ATP4B: variants seen among roughly 807,000 people sequenced by gnomAD.
The protein encoded by ATP4B is potassium-transporting ATPase subunit beta.
Under a neutral mutation model 35.3 loss-of-function variants are expected in ATP4B, and 27 were observed. The observed-to-expected ratio is 0.76, with a 90% CI of 0.56 to 1.05. The LOEUF is 1.05. ATP4B is among the 50% of genes least tolerant of loss of function. The pLI is 0.00. For synonymous variants in ATP4B, 162 were observed against 156.0 expected (o/e 1.04, Z -0.29); for missense variants, 375 against 384.8 (o/e 0.97, Z 0.21).
chr13:113,651,422 C>T (rs1160166104), intron 5 of ATP4B, among the ~76,000 whole-genome samples: 1 of 152,228 alleles, frequency 6.6e-6, no homozygotes, highest in Non-Finnish European at 1.5e-5. Context: ...TTGAAGCGTG[C>T]TGCTGACACG....
Position 113,650,909 on chromosome 13 carries a change from C to G in ATP4B, c.613-402G>C, listed in dbSNP as rs986321223. 1.3e-5 allele frequency among the ~76,000 whole-genome samples: 2 copies of G among 152,228 alleles called. No individual in the cohort carries two copies. The highest frequency in any genetic ancestry group is 4.1e-4 in the South Asian group (2 of 4,822). On this transcript the variant is annotated intron_variant, in intron 5 of 6. Coordinates refer to ENST00000335288, the MANE Select transcript of ATP4B (RefSeq NM_000705.4). The surrounding 1 kb of genome is among the most constrained non-coding windows in gnomAD (Gnocchi z 5.0). The stretch of plus-strand genomic sequence containing the variant: ...TGCGTTTTTGTGAGATTGGGGCCCT[C>G]TCGTTTCAGAAGCAGAGGCTTGCCC...
At position 113,649,649 on chromosome 13, in the gene ATP4B, TG is replaced by T. The variant is rs1253363350; in HGVS notation, c.715-115del. Reference sequence around the variant, plus strand: ...TTGGTGCAGAGAAGCAGCTCTTTTGTGTAAGACTGGCCCTGACCGAGTGCAT... The same window carrying T: ...TTGGTGCAGAGAAGCAGCTCTTTTGTTAAGACTGGCCCTGACCGAGTGCAT... On this transcript the variant is annotated intron_variant, in intron 6 of 6. Coordinates refer to ENST00000335288, the MANE Select transcript of ATP4B (RefSeq NM_000705.4). The surrounding 1 kb of genome is among the most constrained non-coding windows in gnomAD (Gnocchi z 4.7). 1 of 1,248,290 alleles carries T rather than the reference TG, an allele frequency of 8.0e-7. No individual in the cohort carries two copies. Among genetic ancestry groups the T allele is most frequent in the Non-Finnish European group, 1.1e-6 (1 of 932,858 alleles). 77.3% of individuals were successfully genotyped at this position (1,248,290 alleles called of 1,614,324 possible). A position where few individuals can be genotyped will look rare whatever the true frequency, so the allele number is the denominator to read the frequency against.
At position 113,650,200 on chromosome 13, in the gene ATP4B, T is replaced by C. The variant is rs941485091; in HGVS notation, c.714+206A>G. On this transcript the variant is annotated intron_variant, in intron 6 of 6. Transcript: ENST00000335288. The surrounding 1 kb of genome is among the most constrained non-coding windows in gnomAD (Gnocchi z 5.0). ...AAAAAAAAAAGTTGAAGAGTTAGAGTTGTATTTTCATGTTGCGTGAGAGGA... is the reference window on the plus strand; with the variant it reads ...AAAAAAAAAAGTTGAAGAGTTAGAGCTGTATTTTCATGTTGCGTGAGAGGA... Among the ~76,000 whole-genome samples, 30 of 149,310 alleles carry C rather than the reference T, an allele frequency of 2.0e-4. No homozygotes were observed. The highest frequency in any genetic ancestry group is 6.6e-4 in the African/African-American group (27 of 40,646).
rs781386308 is a variant in ATP4B at position 113,650,495 on chromosome 13, C to T, written c.625G>A (p.Glu209Lys). The T allele has an allele frequency of 4.1e-5, 66 of 1,612,526 alleles. No individual in the cohort carries two copies. The highest frequency in any genetic ancestry group is 1.2e-4 in the Admixed American group (7 of 59,920). The change falls in exon 6 of 7, where the codon GAG becomes AAG. Residue 209 changes from glutamate (E) to lysine (K), a missense_variant. Physicochemically the swap from Glu to Lys is moderately conservative, Grantham distance 56. Transcript: ENST00000335288. The surrounding 1 kb of genome is among the most constrained non-coding windows in gnomAD (Gnocchi z 5.0). Reference sequence around the variant, plus strand: ...TTGACCTGCAGCGGCTGGCCGAGCTCGCGGGGCTGGTCCTGGGGAGGAGAG... The same window carrying T: ...TTGACCTGCAGCGGCTGGCCGAGCTTGCGGGGCTGGTCCTGGGGAGGAGAG... ...VDCAFLDQPR[E>K]LGQPLQVKYY... is the part of the protein sequence containing the mutation.
Position 113,649,323 on chromosome 13 carries a change from G to C in ATP4B, c.*51C>G. 2 of 1,548,180 alleles carry C rather than the reference G, an allele frequency of 1.3e-6. No individual in the cohort carries two copies. The highest frequency in any genetic ancestry group is 1.7e-6 in the Non-Finnish European group (2 of 1,144,506). ...GGGCAAGGTAAGCCCAACCAGGAGG[G>C]TGTCCTTGAGCGACCCCGCAGGCGT... On this transcript the variant is annotated 3_prime_UTR_variant, in exon 7 of 7. Coordinates refer to ENST00000335288, the MANE Select transcript of ATP4B (RefSeq NM_000705.4). This position sits in a 1 kb window ranked among gnomAD's most constrained non-coding sequence, Gnocchi z 4.7.
chr13:113,654,971 C>T, intron 1 of ATP4B, 29 bp from the exon 2 acceptor site: 1 of 1,612,642 alleles, frequency 6.2e-7, no homozygotes, highest in Non-Finnish European at 8.5e-7. Context: ...ACAAAATTTA[C>T]CACGTCAGCC....
rs1430331358 is a variant in ATP4B, at chr13:113,650,417, T to G, written c.703A>C (p.Lys235Gln). The change falls in exon 6 of 7, where the codon AAG (lysine) becomes CAG (glutamine). Residue 235 changes from lysine (K) to glutamine (Q), a missense_variant. Lys to Gln is a moderately conservative substitution (Grantham distance 53). Transcript: ENST00000335288. This position sits in a 1 kb window ranked among gnomAD's most constrained non-coding sequence, Gnocchi z 5.0. ...FSLHYFPYYG[K>Q]KAQPHYSNPL... Reference sequence around the variant, plus strand: ...AGGAAGGAACCTACCTGGGCTTTCTTCCCGTAATAAGGGAAGTAGTGCAGA... The same window carrying G: ...AGGAAGGAACCTACCTGGGCTTTCTGCCCGTAATAAGGGAAGTAGTGCAGA... 2 of 1,613,986 alleles carry G rather than the reference T, an allele frequency of 1.2e-6. No homozygotes were observed. The highest frequency in any genetic ancestry group is 4.5e-5 in the East Asian group (2 of 44,850).
Position 113,651,724 on chromosome 13 carries a change from C to T in ATP4B, c.559G>A (p.Val187Ile), listed in dbSNP as rs1482637481. 6.8e-6 allele frequency: 11 copies of T among 1,613,686 alleles called. No homozygotes were observed. Among genetic ancestry groups the T allele is most frequent in the South Asian group, 6.6e-5 (6 of 91,020 alleles). Residue 187 changes from valine (V) to isoleucine (I), a missense_variant, in exon 5 of 7, where the codon GTC (valine) becomes ATC (isoleucine). Transcript: ENST00000335288. ...PCFIIKMNRI[V>I]KFLPSNGSAP... ...GAGCCGTTGCTGGGGAGGAACTTGA[C>T]GATCTAGAAGGGAAAAGCTTGAGCG...
At chr13:113,657,166 G>A (rs538142100) in intron 1 of ATP4B, among the ~76,000 whole-genome samples, 24 of 152,162 alleles carry the variant, frequency 1.6e-4, no homozygotes, top group Non-Finnish European at 3.2e-4. Context: ...ACACACAGGT[G>A]GGGCGGGCCT....
intron 4 of ATP4B, chr13:113,652,559 C>A (rs551058069): frequency 3.2e-5 from 14 of 435,774 alleles, no homozygotes; most frequent in African/African-American, 2.6e-4. Context: ...GAACTTGAGG[C>A]CCCTTTACCT....
In ATP4B at chr13:113,658,079, C is replaced by G; in HGVS notation, c.66G>C (p.Trp22Cys). 1 of 1,611,874 alleles carries G rather than the reference C, an allele frequency of 6.2e-7. No homozygotes were observed. ...CCAGCATCTGCCCCGTGTCCGGGTT[C>G]CAGCAGTAACGCTGGAACTCCTCCA... is the stretch of plus-strand genomic sequence containing the variant. ...QRMEEFQRYC[W>C]NPDTGQMLGR... Residue 22 changes from tryptophan (W) to cysteine (C), a missense_variant, in exon 1 of 7, where the codon TGG (tryptophan) becomes TGC (cysteine). Transcript: ENST00000335288.
chr13:113,657,170 C>T (rs997808451), intron 1 of ATP4B, among the ~76,000 whole-genome samples: 13 of 152,106 alleles, frequency 8.5e-5, no homozygotes, highest in East Asian at 3.9e-4. Flanking sequence ...ACAGGTGGGG[C>T]GGGCCTGGGG....
At position 113,658,108 on chromosome 13, in the gene ATP4B, G is replaced by T. The variant is rs759126874; in HGVS notation, c.37C>A (p.Arg13Ser). 2.5e-6 allele frequency: 4 copies of T among 1,612,706 alleles called. No individual in the cohort carries two copies. The highest frequency in any genetic ancestry group is 2.5e-6 in the Non-Finnish European group (3 of 1,179,740). ...CAGTAACGCTGGAACTCCTCCATGC[G>T]CTGGCCACACGTCTTCTTCTCCTGC... ...ALQEKKTCGQ[R>S]MEEFQRYCWN... Residue 13 changes from arginine to serine, a missense_variant, in exon 1 of 7, where the codon CGC becomes AGC. By Grantham distance (110) the Arg-to-Ser change is moderately radical (BLOSUM62 -1). Coordinates refer to ENST00000335288, the MANE Select transcript of ATP4B (RefSeq NM_000705.4).
intron 1 of ATP4B, among the ~76,000 whole-genome samples, chr13:113,657,058 G>C (rs367705712): frequency 6.6e-6 from 1 of 152,244 alleles, no homozygotes. Flanking sequence ...CTTTGAGACC[G>C]TGGAGCCTCC....
At chr13:113,652,678 G>A in intron 4 of ATP4B, 195 bp downstream of exon 4, 1 of 699,620 alleles carries the variant, frequency 1.4e-6, no homozygotes, top group Non-Finnish European at 2.6e-6. Context: ...TGTCTGACGA[G>A]TGGTTTCAAA....
chr13:113,652,912 A>G lies in ATP4B; in HGVS notation c.516T>C (p.Phe172=). The stretch of plus-strand genomic sequence containing the variant: ...TAATAAAACATGGCTTTCCTTCTTC[A>G]AAGCCGAAGTTGGGATCCGCCAGGC... ...CSGLADPNFG[F]EEGKPCFIIK... is the part of the protein sequence containing the mutation. The change falls in exon 4 of 7, where the codon TTT becomes TTC. Residue 172 remains phenylalanine (F), a synonymous_variant. Coordinates refer to ENST00000335288, the MANE Select transcript of ATP4B (RefSeq NM_000705.4). The G allele has an allele frequency of 6.2e-7, 1 of 1,614,198 alleles. No homozygotes were observed. Among genetic ancestry groups the G allele is most frequent in the South Asian group, 1.1e-5 (1 of 91,086 alleles).
chr13:113,654,616 G>A (rs1594563530), intron 2 of ATP4B, among the ~76,000 whole-genome samples, 198 bp downstream of exon 2: 1 of 152,262 alleles, frequency 6.6e-6, no homozygotes. Flanking sequence ...CCTTGGTGCT[G>A]CTCTTAAAGC....
rs143217818 is a variant in ATP4B, at chr13:113,651,968, G to T, written c.556-241C>A. 8.9e-3 allele frequency among the ~76,000 whole-genome samples: 1,359 copies of T among 152,236 alleles called. 17 individuals are homozygous for T. Among genetic ancestry groups the T allele is most frequent in the African/African-American group, 0.031 (1,288 of 41,538 alleles). On this transcript the variant is annotated intron_variant, in intron 4 of 6. Transcript: ENST00000335288. ...CCCATCAGCAAGCCACTTGGCCCAG[G>T]CTTCAGGAGGCGGCTGGCAGGAGGC...
rs1458138093 is a variant in ATP4B, at chr13:113,650,175, A to C, written c.714+231T>G. Among the ~76,000 whole-genome samples, 1 of 152,132 alleles carries C rather than the reference A, an allele frequency of 6.6e-6. No homozygotes were observed. Among genetic ancestry groups the C allele is most frequent in the Non-Finnish European group, 1.5e-5 (1 of 68,014 alleles). ...GACAGAGCAAGACTGTCTCAAAAAA[A>C]AAAAAAAAAGTTGAAGAGTTAGAGT... On this transcript the variant is annotated intron_variant, in intron 6 of 6. Coordinates refer to ENST00000335288, the MANE Select transcript of ATP4B (RefSeq NM_000705.4). The surrounding 1 kb of genome is among the most constrained non-coding windows in gnomAD (Gnocchi z 5.0).
Sources: gnomAD v4.1 joint callset for allele counts (sites outside exome capture counted in the v4.1 genomes callset) on GRCh38, gnomAD v4.1.1 for gene constraint, Gnocchi (gnomAD v3.1) non-coding constraint, MANE v1.5 for transcripts, NCBI Gene and HGNC (gene_info 2026-07-23, HGNC 2026-07-21) for gene names.